DIPK1A: variants seen among roughly 807,000 people sequenced by gnomAD.
DIPK1A encodes the protein divergent protein kinase domain 1A.
DIPK1A carries 27 observed loss-of-function variants against 40.8 expected under a neutral mutation model. The ratio of observed to expected loss-of-function variants is 0.66; its 90% CI spans 0.49 to 0.91. The LOEUF is 0.91. DIPK1A is among the 40% of genes least tolerant of loss of function. DIPK1A has a pLI of 0.00. For missense variants in DIPK1A, 412 were observed against 505.7 expected (o/e 0.81, Z 1.78); for synonymous variants, 166 against 171.3 (o/e 0.97, Z 0.24).
rs58422535 is a variant in DIPK1A, at chr1:92,871,338, T to C, written c.189+4958A>G. 3.1e-3 allele frequency among the ~76,000 whole-genome samples: 475 copies of C among 152,218 alleles called. 4 individuals are homozygous for C. Among genetic ancestry groups the C allele is most frequent in the African/African-American group, 0.011 (461 of 41,526 alleles). ...GCACCACCACGCACGGCTAATTTTGTATTTTTAGTAGAGACAGGATTTCTC... is the reference window on the plus strand; with the variant it reads ...GCACCACCACGCACGGCTAATTTTGCATTTTTAGTAGAGACAGGATTTCTC... On this transcript the variant is annotated intron_variant, in intron 2 of 4. Coordinates refer to ENST00000370310, the MANE Select transcript of DIPK1A (RefSeq NM_001006605.5).
At position 92,909,019 on chromosome 1, in the gene DIPK1A, A is replaced by G. The variant is rs193240987; in HGVS notation, c.55-32589T>C. Among the ~76,000 whole-genome samples the G allele has an allele frequency of 4.5e-4, 68 of 152,376 alleles. 1 individual carries two copies. Among genetic ancestry groups the G allele is most frequent in the Non-Finnish European group, 8.8e-4 (60 of 68,038 alleles). On this transcript the variant is annotated intron_variant, in intron 1 of 4. Coordinates refer to ENST00000370310, the MANE Select transcript of DIPK1A (RefSeq NM_001006605.5). ...TTCCATCTATTAATAATTTTAAATT[A>G]CAAAACATTTCCAAATTCAGGAAAA...
intron 1 of DIPK1A, among the ~76,000 whole-genome samples, chr1:92,916,115 G>C (rs1650043560): frequency 6.6e-6 from 1 of 152,022 alleles, no homozygotes; most frequent in African/African-American, 2.4e-5. Flanking sequence ...CTGGGGGAGG[G>C]AGCAATGGGG....
chr1:92,886,587 T>A (rs889840060), intron 1 of DIPK1A, among the ~76,000 whole-genome samples: 4 of 152,244 alleles, frequency 2.6e-5, no homozygotes, highest in Admixed American at 2.6e-4. Flanking sequence ...TATCTAACCC[T>A]ATCTGTATTG....
Position 92,961,448 on chromosome 1 carries a change from C to G in DIPK1A, c.-19G>C, listed in dbSNP as rs745446986. The stretch of plus-strand genomic sequence containing the variant: ...TCGCCATGGTAATCACACATCGCCC[C>G]GCCGCGCTGCAGTCAGAGGCGGACC... On this transcript the variant is annotated 5_prime_UTR_variant, in exon 1 of 5. Coordinates refer to ENST00000370310, the MANE Select transcript of DIPK1A (RefSeq NM_001006605.5). 1.3e-5 allele frequency: 19 copies of G among 1,481,860 alleles called. No individual in the cohort carries two copies. The highest frequency in any genetic ancestry group is 4.1e-5 in the Admixed American group (2 of 48,852). 91.8% of individuals were successfully genotyped at this position (1,481,860 alleles called of 1,614,324 possible). A position where few individuals can be genotyped will look rare whatever the true frequency, so the allele number is the denominator to read the frequency against.
At chr1:92,858,481 C>T (rs77741804) in intron 2 of DIPK1A, among the ~76,000 whole-genome samples, 31,092 of 152,086 alleles carry the variant, frequency 0.2, 3,732 homozygotes, top group Non-Finnish European at 0.27. Flanking sequence ...TTAAGTGTTC[C>T]GTAAATGTTT....
intron 2 of DIPK1A, among the ~76,000 whole-genome samples, chr1:92,873,632 AT>A (rs1229666961): frequency 2.6e-5 from 4 of 151,450 alleles, no homozygotes; most frequent in South Asian, 2.1e-4. Context: ...AAAAAAAAAA[AT>A]CTTATCCTCT....
intron 2 of DIPK1A, among the ~76,000 whole-genome samples, chr1:92,872,956 T>C (rs1647944089): frequency 6.6e-6 from 1 of 152,222 alleles, no homozygotes; most frequent in East Asian, 1.9e-4. Flanking sequence ...ACTGGCTGTA[T>C]GCATGAGGTT....
intron 2 of DIPK1A, among the ~76,000 whole-genome samples, chr1:92,857,084 A>G (rs1247876188): frequency 6.6e-6 from 1 of 152,228 alleles, no homozygotes; most frequent in Non-Finnish European, 1.5e-5. Flanking sequence ...GCAAACATAA[A>G]CATAGTATTT....
intron 1 of DIPK1A, among the ~76,000 whole-genome samples, chr1:92,916,296 T>A (rs1237774566): frequency 6.6e-6 from 1 of 151,688 alleles, no homozygotes; most frequent in Non-Finnish European, 1.5e-5. Context: ...ATTTGATCCT[T>A]TTTTTCTTTT....
intron 1 of DIPK1A, among the ~76,000 whole-genome samples, chr1:92,956,195 T>A (rs1335462235): frequency 1.3e-5 from 2 of 149,844 alleles, no homozygotes; most frequent in Admixed American, 6.7e-5. Flanking sequence ...ATCTTTAACT[T>A]AAAAAAAAAA....
chr1:92,928,439 T>C lies in DIPK1A; in HGVS notation c.54+32937A>G, dbSNP rs891707432. On this transcript the variant is annotated intron_variant, in intron 1 of 4. Transcript: ENST00000370310. The stretch of plus-strand genomic sequence containing the variant: ...GAAATTAAGAAAATAATCTATAGTC[T>C]TTCAAATTTATTCACTGATTTGCCA... 4.6e-5 allele frequency among the ~76,000 whole-genome samples: 7 copies of C among 152,340 alleles called. No homozygotes were observed. The South Asian group carries it at 1.4e-3, about 32-fold the overall frequency.
rs143197696 is a variant in DIPK1A, at chr1:92,861,864, G to C, written c.190-10909C>G. Reference sequence around the variant, plus strand: ...TGGCGTTATGCCTCACTGTAGCCTCGACCTCCCTGGGCTCGGGTGATCCTC... The same window carrying C: ...TGGCGTTATGCCTCACTGTAGCCTCCACCTCCCTGGGCTCGGGTGATCCTC... On this transcript the variant is annotated intron_variant, in intron 2 of 4. Coordinates refer to ENST00000370310, the MANE Select transcript of DIPK1A (RefSeq NM_001006605.5). Among the ~76,000 whole-genome samples the C allele has an allele frequency of 3.1e-3, 465 of 151,180 alleles. 2 individuals carry two copies. The highest frequency in any genetic ancestry group is 0.011 in the African/African-American group (435 of 41,166).
intron 1 of DIPK1A, among the ~76,000 whole-genome samples, chr1:92,935,043 G>A (rs939807469): frequency 2.0e-5 from 3 of 152,218 alleles, no homozygotes; most frequent in African/African-American, 7.2e-5. Context: ...ATTTACTGAA[G>A]AGATAGTTCT....
intron 1 of DIPK1A, among the ~76,000 whole-genome samples, chr1:92,893,374 A>G (rs1387598364): frequency 6.6e-6 from 1 of 151,938 alleles, no homozygotes; most frequent in Non-Finnish European, 1.5e-5. Context: ...AAGAATTTTC[A>G]ACCCAGAATT....
chr1:92,834,294 T>G (rs1687031704), intron 4 of DIPK1A, among the ~76,000 whole-genome samples: 1 of 152,214 alleles, frequency 6.6e-6, no homozygotes, highest in Non-Finnish European at 1.5e-5. Context: ...TTTAATAAAA[T>G]GTACAAAGGT....
intron 1 of DIPK1A, among the ~76,000 whole-genome samples, chr1:92,887,032 G>A (rs775150462): frequency 4.6e-5 from 7 of 151,820 alleles, no homozygotes; most frequent in South Asian, 2.1e-4. Context: ...CTCTCCCACC[G>A]CCTCACCTTC....
At chr1:92,847,124 T>C in intron 4 of DIPK1A, 59 bp downstream of exon 4, 1 of 1,123,308 alleles carries the variant, frequency 8.9e-7, no homozygotes. Context: ...GATGAGGTCC[T>C]GCCAATTCCT....
At chr1:92,876,499 G>A (rs1468875986) in intron 1 of DIPK1A, 69 bp from the exon 2 acceptor site, 3 of 1,508,670 alleles carry the variant, frequency 2.0e-6, no homozygotes, top group South Asian at 1.2e-5. Context: ...CCTAGAACAC[G>A]ACTTCTCACC....
intron 1 of DIPK1A, 163 bp from the exon 2 acceptor site, chr1:92,876,593 A>C (rs989090964): frequency 1.5e-6 from 1 of 663,206 alleles, no homozygotes; most frequent in Non-Finnish European, 2.5e-6. Flanking sequence ...TCCAAACAGC[A>C]CTGGTCTTAG....
Sources: allele counts gnomAD v4.1 joint callset (sites outside exome capture counted in the v4.1 genomes callset), GRCh38; gene constraint gnomAD v4.1.1; transcripts MANE v1.5; gene names NCBI Gene and HGNC (gene_info 2026-07-23, HGNC 2026-07-21).